PELI3: variants seen among roughly 807,000 people sequenced by gnomAD.
The protein encoded by PELI3 is E3 ubiquitin-protein ligase pellino homolog 3.
Under a neutral mutation model 35.5 loss-of-function variants are expected in PELI3, and 19 were observed. That is an observed-to-expected ratio of 0.54 (90% CI 0.37 to 0.79). PELI3 has a LOEUF of 0.79. Ranked by LOEUF, PELI3 falls within the 30% of genes least tolerant of loss-of-function variation. The probability of loss-of-function intolerance (pLI) is 0.00; values close to 1 mark genes in which losing one functional copy is unlikely to be tolerated. For synonymous variants in PELI3, 262 were observed against 279.2 expected, an observed-to-expected ratio of 0.94 and a Z score of 0.62; for missense variants, 490 against 661.2, an observed-to-expected ratio of 0.74 and a Z score of 2.84.
intron 7 of PELI3, chr11:66,475,033 A>G (rs1004168666): frequency 3.3e-5 from 5 of 153,620 alleles, no homozygotes; most frequent in Non-Finnish European, 7.2e-5. Flanking sequence ...ACCCGGCCTG[A>G]TGGATTCATT....
At chr11:66,469,804 G>T (rs61511157) in intron 3 of PELI3, among the ~76,000 whole-genome samples, 31,597 of 127,754 alleles carry the variant, frequency 0.25, 4,162 homozygotes, top group African/African-American at 0.32. Context: ...TTTTTTTTTT[G>T]TTTTTTTTTT....
chr11:66,468,207 G>A lies in PELI3; in HGVS notation c.79G>A (p.Val27Ile), dbSNP rs775263947. 27 of 1,605,876 alleles carry A rather than the reference G, an allele frequency of 1.7e-5. No individual in the cohort carries two copies. The highest frequency in any genetic ancestry group is 1.7e-4 in the Middle Eastern group (1 of 6,058). Residue 27 changes from valine (V) to isoleucine (I), a missense_variant, in exon 2 of 8, where the codon GTT becomes ATT. By Grantham distance (29) the Val-to-Ile change is conservative. Transcript: ENST00000320740. ...LQHRGNKGSCVLSSPGEDAQP... is the reference protein window; with the variant it reads ...LQHRGNKGSCILSSPGEDAQP... ...GCACCGGGGGAACAAGGGCTCTTGC[G>A]TTCTCTCCTCTCCCGGTGAAGATGC...
Position 66,468,153 on chromosome 11 carries a change from G to T in PELI3, c.25G>T (p.Val9Leu). MVLEGNPE[V>L]GSPRTSDLQH... is the part of the protein sequence containing the mutation. ...AATGGTGCTGGAAGGAAACCCTGAA[G>T]TGGGGTCCCCCCGAACCTCAGACCT... Residue 9 changes from valine to leucine, a missense_variant, in exon 2 of 8, where the codon GTG becomes TTG. Val to Leu is a conservative substitution (Grantham distance 32). Coordinates refer to ENST00000320740, the MANE Select transcript of PELI3 (RefSeq NM_145065.3). 6.2e-7 allele frequency: 1 copy of T among 1,609,042 alleles called. No homozygotes were observed. Among genetic ancestry groups the T allele is most frequent in the Non-Finnish European group, 8.5e-7 (1 of 1,177,280 alleles).
At position 66,473,876 on chromosome 11, in the gene PELI3, A is replaced by G; in HGVS notation, c.791A>G (p.Asn264Ser). 1 of 1,613,656 alleles carries G rather than the reference A, an allele frequency of 6.2e-7. No individual in the cohort carries two copies. The highest frequency in any genetic ancestry group is 8.5e-7 in the Non-Finnish European group (1 of 1,179,956). Residue 264 changes from asparagine to serine, a missense_variant, in exon 7 of 8, where the codon AAT becomes AGT. Asn to Ser is a conservative substitution (Grantham distance 46). Coordinates refer to ENST00000320740, the MANE Select transcript of PELI3 (RefSeq NM_145065.3). This position sits in a 1 kb window ranked among gnomAD's most constrained non-coding sequence, Gnocchi z 5.8. ...TGGCGGGAGATCTCGGTCTGTGGGA[A>G]TGTGTACACATTGCGGGACAGCCGC... ...GVWREISVCG[N>S]VYTLRDSRSA...
intron 2 of PELI3, 73 bp from the exon 3 acceptor site, chr11:66,468,760 T>C (rs2134686784): frequency 1.3e-6 from 1 of 753,178 alleles, no homozygotes; most frequent in South Asian, 1.4e-5. Context: ...GCCTAGCACA[T>C]ATCGAGTGTT....
At chr11:66,474,052 C>G (rs760931122) in intron 7 of PELI3, 127 bp downstream of exon 7, 11 of 1,198,932 alleles carry the variant, frequency 9.2e-6, no homozygotes, top group Non-Finnish European at 1.3e-5. Context: ...GGCTCCATAT[C>G]AGGGAATCCC....
At chr11:66,469,189 A>G (rs2134687618) in intron 3 of PELI3, among the ~76,000 whole-genome samples, 1 of 151,186 alleles carries the variant, frequency 6.6e-6, no homozygotes, top group African/African-American at 2.4e-5. Context: ...TAAAGAAACT[A>G]TTTGATAAGC....
rs1590721334 is a variant in PELI3, at chr11:66,473,927, T to G, written c.840+2T>G. The G allele has an allele frequency of 6.2e-7, 1 of 1,612,640 alleles. No homozygotes were observed. The stretch of plus-strand genomic sequence containing the variant: ...TCAGCCCAGCAGCGGGGCAAGCTGG[T>G]AGGTGGCCCGCTCCATTCCCCACCC... On this transcript the variant is annotated splice_donor_variant, in intron 7 of 7. Coordinates refer to ENST00000320740, the MANE Select transcript of PELI3 (RefSeq NM_145065.3). LOFTEE classifies it high-confidence loss of function. The surrounding 1 kb of genome is among the most constrained non-coding windows in gnomAD (Gnocchi z 5.8).
chr11:66,468,997 T>G (rs536459226), intron 3 of PELI3, 93 bp downstream of exon 3: 1 of 601,492 alleles, frequency 1.7e-6, no homozygotes, highest in East Asian at 3.0e-5. Context: ...ACACTACAGA[T>G]GAGAAAGCCA....
rs769410656 is a variant in PELI3 at position 66,473,771 on chromosome 11, T to A, written c.686T>A (p.Leu229Gln). ...RAAKWRTPDG[L>Q]MDGLTTNGVL... ...GCCAAATGGCGGACCCCAGATGGCC[T>A]GATGGATGGACTGACCACCAATGGA... The change falls in exon 7 of 8, where the codon CTG (leucine) becomes CAG (glutamine). Residue 229 changes from leucine to glutamine, a missense_variant. Coordinates refer to ENST00000320740, the MANE Select transcript of PELI3 (RefSeq NM_145065.3). This position sits in a 1 kb window ranked among gnomAD's most constrained non-coding sequence, Gnocchi z 5.8. The A allele has an allele frequency of 6.2e-7, 1 of 1,613,934 alleles. No homozygotes were observed.
At position 66,475,752 on chromosome 11, in the gene PELI3, G is replaced by A; in HGVS notation, c.995G>A (p.Cys332Tyr). The A allele has an allele frequency of 1.2e-6, 2 of 1,610,858 alleles. No homozygotes were observed. The highest frequency in any genetic ancestry group is 1.7e-5 in the Admixed American group (1 of 59,848). ...RQEANAARPQ[C>Y]PVGLSTLAFP... ...GAGGCAAATGCAGCGCGGCCCCAGTGCCCCGTGGGCCTCAGCACTCTGGCC... is the reference window on the plus strand; with the variant it reads ...GAGGCAAATGCAGCGCGGCCCCAGTACCCCGTGGGCCTCAGCACTCTGGCC... Residue 332 changes from cysteine (C) to tyrosine (Y), a missense_variant, in exon 8 of 8, where the codon TGC (cysteine) becomes TAC (tyrosine). By Grantham distance (194) the Cys-to-Tyr change is radical. This residue lies in a region of PELI3 where 349 missense variants were observed against 484.8 expected (regional missense o/e 0.72). Transcript: ENST00000320740.
At chr11:66,472,985 T>A in intron 5 of PELI3, among the ~76,000 whole-genome samples, 1 of 152,204 alleles carries the variant, frequency 6.6e-6, no homozygotes, top group Non-Finnish European at 1.5e-5. Flanking sequence ...CTTGTATTTA[T>A]TGAATGGGGC....
intron 2 of PELI3, 54 bp downstream of exon 2, chr11:66,468,334 C>T: frequency 7.1e-7 from 1 of 1,405,674 alleles, no homozygotes; most frequent in Admixed American, 2.7e-5. Flanking sequence ...CCCAACGCAG[C>T]CAGAACAAGG....
rs1013983889 is a variant in PELI3, at chr11:66,476,323, CCCCCAAGGAGGT to C, written c.*164_*175del. Reference sequence around the variant, plus strand: ...CTGTGCCCTTCCCCCCAACTGTGGCCCCCCAAGGAGGTCCCCAAGATCTCCACCCCAGTCATG... The same window carrying C: ...CTGTGCCCTTCCCCCCAACTGTGGCCCCCCAAGATCTCCACCCCAGTCATG... On this transcript the variant is annotated 3_prime_UTR_variant, in exon 8 of 8. Coordinates refer to ENST00000320740, the MANE Select transcript of PELI3 (RefSeq NM_145065.3). The C allele has an allele frequency of 2.4e-6, 2 of 821,988 alleles. No individual in the cohort carries two copies. Among genetic ancestry groups the C allele is most frequent in the Non-Finnish European group, 3.7e-6 (2 of 544,708 alleles). The allele number at this position is 821,988 out of a possible 1,614,324, so 50.9% of individuals were successfully genotyped here.
In PELI3 at chr11:66,473,188, A is replaced by G. The variant is rs1260807214; in HGVS notation, c.457-53A>G. 1.3e-6 allele frequency: 2 copies of G among 1,507,406 alleles called. No individual in the cohort carries two copies. The highest frequency in any genetic ancestry group is 2.8e-5 in the African/African-American group (2 of 72,158). The allele number at this position is 1,507,406 out of a possible 1,614,324, so 93.4% of individuals were successfully genotyped here. On this transcript the variant is annotated intron_variant, in intron 5 of 7. Transcript: ENST00000320740. This position sits in a 1 kb window ranked among gnomAD's most constrained non-coding sequence, Gnocchi z 5.8. ...GCTGGTACTCTGGGAGGGAAGGCCC[A>G]TGAGAGTCCCCTATGTACATACAGT... is the stretch of plus-strand genomic sequence containing the variant.
chr11:66,472,506 C>T, intron 5 of PELI3, 36 bp downstream of exon 5: 2 of 1,553,014 alleles, frequency 1.3e-6, no homozygotes, highest in Non-Finnish European at 1.8e-6. Context: ...TCCTGGCCAC[C>T]AGGCCTCTAG....
chr11:66,472,684 G>T (rs1043660242), intron 5 of PELI3, among the ~76,000 whole-genome samples: 2 of 152,168 alleles, frequency 1.3e-5, no homozygotes, highest in African/African-American at 4.8e-5. Context: ...ACTGTGGGAG[G>T]TCACACAGCT....
At chr11:66,474,348 C>T in intron 7 of PELI3, 1 of 488,240 alleles carries the variant, frequency 2.0e-6, no homozygotes, top group Non-Finnish European at 3.6e-6. Context: ...GCACTGTTCT[C>T]CTCTCGCAGG....
At chr11:66,472,156 G>A (rs1854743911) in intron 4 of PELI3, among the ~76,000 whole-genome samples, 1 of 151,924 alleles carries the variant, frequency 6.6e-6, no homozygotes, top group African/African-American at 2.4e-5. Context: ...TTACAGGCGT[G>A]AGCCACCGCA....
Sources: gnomAD v4.1 joint callset for allele counts (sites outside exome capture counted in the v4.1 genomes callset) on GRCh38, gnomAD v4.1.1 for gene constraint, gnomAD v4.1.1 regional missense constraint, Gnocchi (gnomAD v3.1) non-coding constraint, MANE v1.5 for transcripts, NCBI Gene and HGNC (gene_info 2026-07-23, HGNC 2026-07-21) for gene names.